ZC3H11A: variants seen among roughly 807,000 people sequenced by gnomAD.
ZC3H11A encodes the protein zinc finger CCCH-type containing 11A, also known as zinc finger CCCH domain-containing protein 11A.
Under a neutral mutation model 90.8 loss-of-function variants are expected in ZC3H11A, and 22 were observed. That is an observed-to-expected ratio of 0.24 (90% confidence interval 0.17 to 0.35). The LOEUF (loss-of-function observed/expected upper bound fraction) is 0.35. Ranked by LOEUF, ZC3H11A falls within the 10% of genes least tolerant of loss-of-function variation. The pLI, the probability that ZC3H11A is intolerant of heterozygous loss-of-function variation, is 1.00. For synonymous variants in ZC3H11A, 294 were observed against 339.8 expected (o/e 0.87, Z 1.48); for missense variants, 701 against 964.9 (o/e 0.73, Z 3.62).
chr1:203,850,016 A>T lies in ZC3H11A; in HGVS notation c.1929A>T (p.Lys643Asn). ...NVKCAAQTLE[K>N]RGKAKPKVNV... ...AATGTGCAGCACAGACCTTGGAAAA[A>T]AGGGGTAAAGGCAAGTATTTCTATA... Residue 643 changes from lysine to asparagine, a missense_variant, in exon 15 of 18, where the codon AAA becomes AAT. Lys to Asn is a moderately conservative substitution (Grantham distance 94, BLOSUM62 0). Transcript: ENST00000367210. The T allele has an allele frequency of 6.2e-7, 1 of 1,613,950 alleles. No individual in the cohort carries two copies. The highest frequency in any genetic ancestry group is 8.5e-7 in the Non-Finnish European group (1 of 1,179,996).
At chr1:203,803,581 A>G (rs1439634578) in intron 2 of ZC3H11A, among the ~76,000 whole-genome samples, 1 of 152,164 alleles carries the variant, frequency 6.6e-6, no homozygotes, top group East Asian at 1.9e-4. Context: ...CTGTAATTCC[A>G]TCTCCTTGGA....
chr1:203,796,610 A>G (rs752910304), intron 1 of ZC3H11A: 5 of 396,176 alleles, frequency 1.3e-5, no homozygotes, highest in Non-Finnish European at 1.8e-5. Context: ...GGGTAAATGT[A>G]TGTAGGTATT....
intron 13 of ZC3H11A, 31 bp downstream of exon 13, chr1:203,847,718 G>A (rs756081929): frequency 8.8e-6 from 14 of 1,596,642 alleles, no homozygotes; most frequent in African/African-American, 2.7e-5. Flanking sequence ...CTAGTACCAC[G>A]TCCCCACATA....
At chr1:203,829,980 T>C in intron 7 of ZC3H11A, 84 bp downstream of exon 7, 1 of 1,409,092 alleles carries the variant, frequency 7.1e-7, no homozygotes, top group Non-Finnish European at 1.0e-6. Context: ...ACCTCCCTCT[T>C]CTTTTTCCCA....
intron 4 of ZC3H11A, among the ~76,000 whole-genome samples, chr1:203,819,080 A>G (rs553739484): frequency 7.9e-5 from 5 of 62,960 alleles, no homozygotes; most frequent in Admixed American, 7.0e-4. Flanking sequence ...AAAAAAAAAT[A>G]TATATATATA....
intron 12 of ZC3H11A, among the ~76,000 whole-genome samples, chr1:203,844,053 C>G (rs1277573679): frequency 6.6e-6 from 1 of 152,080 alleles, no homozygotes; most frequent in Non-Finnish European, 1.5e-5. Context: ...AACGGGGCTT[C>G]TCCATGTTGG....
chr1:203,816,898 A>G, intron 2 of ZC3H11A, 28 bp from the exon 3 acceptor site: 1 of 519,172 alleles, frequency 1.9e-6, no homozygotes, highest in African/African-American at 2.0e-5. Context: ...TACCTGAAAT[A>G]TTTTAATTCA....
intron 1 of ZC3H11A, chr1:203,797,612 T>C (rs1364423769): frequency 6.5e-7 from 1 of 1,535,830 alleles, no homozygotes; most frequent in Admixed American, 2.0e-5. Flanking sequence ...TTCTGGGATG[T>C]GTTCCTATTA....
rs575092608 is a variant in ZC3H11A, at chr1:203,808,056, T to C, written c.-146+5040T>C. Among the ~76,000 whole-genome samples the C allele has an allele frequency of 1.2e-4, 18 of 152,286 alleles. No homozygotes were observed. In the South Asian group the frequency reaches 1.9e-3, roughly 16 times the overall value. ...CATGCCTGGCCTGTTTTGTTTTTTTTCTACTTTTATTGAGTACTTTTTTGT... is the reference window on the plus strand; with the variant it reads ...CATGCCTGGCCTGTTTTGTTTTTTTCCTACTTTTATTGAGTACTTTTTTGT... On this transcript the variant is annotated intron_variant, in intron 2 of 17. Coordinates refer to ENST00000367210, the MANE Select transcript of ZC3H11A (RefSeq NM_001376342.1).
In ZC3H11A at chr1:203,795,717, G is replaced by T. The variant is rs1668166004; in HGVS notation, c.-1665G>T. 6.6e-6 allele frequency: 1 copy of T among 152,216 alleles called. No homozygotes were observed. Among genetic ancestry groups the T allele is most frequent in the Admixed American group, 6.5e-5 (1 of 15,280 alleles). The allele number at this position is 152,216 out of a possible 1,614,324, so 9.4% of individuals were successfully genotyped here. On this transcript the variant is annotated 5_prime_UTR_variant, in exon 1 of 18. Transcript: ENST00000367210. ...GCTGGGAGGACGACGGACGGCAGCG[G>T]CCAAGCAAGAAGAAAGACGTGGCAG...
chr1:203,822,318 A>T (rs1460912608), intron 4 of ZC3H11A, among the ~76,000 whole-genome samples: 1 of 151,938 alleles, frequency 6.6e-6, no homozygotes, highest in Non-Finnish European at 1.5e-5. Context: ...CTCCACAAGG[A>T]CACCTTTCTC....
At chr1:203,827,465 G>C (rs1405647155) in intron 4 of ZC3H11A, among the ~76,000 whole-genome samples, 1 of 151,452 alleles carries the variant, frequency 6.6e-6, no homozygotes, top group African/African-American at 2.4e-5. Context: ...CGGATCACGA[G>C]GTCAGGAGAT....
intron 4 of ZC3H11A, among the ~76,000 whole-genome samples, chr1:203,823,277 C>G (rs1363381665): frequency 1.3e-5 from 2 of 152,154 alleles, no homozygotes; most frequent in East Asian, 3.9e-4. Context: ...CTGGAAGAAT[C>G]CGTGTGCCTG....
intron 12 of ZC3H11A, among the ~76,000 whole-genome samples, chr1:203,844,749 T>TA (rs1173514482): frequency 6.6e-6 from 1 of 152,134 alleles, no homozygotes; most frequent in Non-Finnish European, 1.5e-5. Flanking sequence ...TGGGGGCTCA[T>TA]ACAATTGCCA....
chr1:203,815,275 C>T (rs148048109), intron 2 of ZC3H11A, among the ~76,000 whole-genome samples: 1,370 of 123,576 alleles, frequency 0.011, 48 homozygotes, highest in Admixed American at 0.1. Context: ...AGTGCAGTGG[C>T]GCAATGTCAG....
chr1:203,834,208 TAAGAAGA>T (rs1390098777), intron 10 of ZC3H11A: 4 of 433,330 alleles, frequency 9.2e-6, no homozygotes, highest in Non-Finnish European at 6.2e-6. Context: ...CAGGAATCCC[TAAGAAGA>T]AAGAAGAAAG....
chr1:203,799,862 CTT>C, intron 1 of ZC3H11A: 2 of 1,535,004 alleles, frequency 1.3e-6, no homozygotes, highest in Non-Finnish European at 1.7e-6. Context: ...GTTTGGAAGA[CTT>C]TTTTCCTCAA....
At chr1:203,829,733 A>G in intron 6 of ZC3H11A, 47 bp from the exon 7 acceptor site, 2 of 1,611,960 alleles carry the variant, frequency 1.2e-6, no homozygotes, top group South Asian at 1.1e-5. Flanking sequence ...GATTAAAGCT[A>G]TAGGCGTATT....
chr1:203,825,580 G>A (rs1680269368), intron 4 of ZC3H11A, among the ~76,000 whole-genome samples: 1 of 151,814 alleles, frequency 6.6e-6, no homozygotes, highest in East Asian at 1.9e-4. Context: ...GACTACAGGC[G>A]CCCTCCACCA....
Sources: gnomAD v4.1 joint callset for allele counts (sites outside exome capture counted in the v4.1 genomes callset) on GRCh38, gnomAD v4.1.1 for gene constraint, MANE v1.5 for transcripts, NCBI Gene and HGNC (gene_info 2026-07-23, HGNC 2026-07-21) for gene names.